The following BMPR1A variants were observed in gnomAD, a reference collection of about 807,000 sequenced individuals.
BMPR1A encodes the protein bone morphogenetic protein receptor type-1A.
In BMPR1A, 7 loss-of-function variants were observed where a neutral mutation model predicts 66.0. That is an observed-to-expected ratio of 0.11 (90% CI 0.06 to 0.20). The LOEUF (loss-of-function observed/expected upper bound fraction) is 0.20. Among genes scored for constraint, BMPR1A ranks in the 10% least tolerant of loss-of-function variants. The pLI, the probability that BMPR1A is intolerant of heterozygous loss-of-function variation, is 1.00. For synonymous variants in BMPR1A, 200 were observed against 229.7 expected, an observed-to-expected ratio of 0.87 and a Z score of 1.17; for missense variants, 408 against 669.1, an observed-to-expected ratio of 0.61 and a Z score of 4.31.
chr10:86,923,581 C>A lies in BMPR1A; in HGVS notation c.1474-13C>A. On this transcript the variant is annotated splice_polypyrimidine_tract_variant and intron_variant, in intron 12 of 12. Transcript: ENST00000372037. Reference sequence around the variant, plus strand: ...TATATTCTCTGCTCACTGAACATCTCTTTACTTTTCAGTGTCTACGAGCAG... The same window carrying A: ...TATATTCTCTGCTCACTGAACATCTATTTACTTTTCAGTGTCTACGAGCAG... 1 of 1,614,214 alleles carries A rather than the reference C, an allele frequency of 6.2e-7. No individual in the cohort carries two copies. Among genetic ancestry groups the A allele is most frequent in the Non-Finnish European group, 8.5e-7 (1 of 1,180,044 alleles).
intron 2 of BMPR1A, among the ~76,000 whole-genome samples, chr10:86,851,272 TG>T (rs1215529003): frequency 6.6e-6 from 1 of 152,254 alleles, no homozygotes; most frequent in Non-Finnish European, 1.5e-5. Context: ...TATGGTTTTA[TG>T]GTTGGTTTAA....
intron 1 of BMPR1A, among the ~76,000 whole-genome samples, chr10:86,763,790 GTT>G (rs5786745): frequency 5.1e-5 from 6 of 117,418 alleles, no homozygotes; most frequent in East Asian, 2.5e-4. Context: ...TTGGATAGTT[GTT>G]TTTTTTTTTT....
At chr10:86,795,832 C>A (rs1437640051) in intron 1 of BMPR1A, among the ~76,000 whole-genome samples, 1 of 151,872 alleles carries the variant, frequency 6.6e-6, no homozygotes, top group Non-Finnish European at 1.5e-5. Context: ...AAAATATTTT[C>A]TTTGAGAGCT....
intron 9 of BMPR1A, among the ~76,000 whole-genome samples, chr10:86,918,193 C>G (rs958158903): frequency 6.6e-6 from 1 of 152,174 alleles, no homozygotes; most frequent in Non-Finnish European, 1.5e-5. Flanking sequence ...AATTCGGGCC[C>G]ACGCTAATCC....
At chr10:86,795,430 C>T (rs6586037) in intron 1 of BMPR1A, among the ~76,000 whole-genome samples, 76,859 of 150,784 alleles carry the variant, frequency 0.51, 20,374 homozygotes, top group East Asian at 0.76. Flanking sequence ...TTTTTTTTTC[C>T]TAACGCTGTA....
At chr10:86,792,936 TTTA>T in intron 1 of BMPR1A, among the ~76,000 whole-genome samples, 1 of 152,268 alleles carries the variant, frequency 6.6e-6, no homozygotes, top group East Asian at 1.9e-4. Context: ...CAAGGAGTAA[TTTA>T]TTATTATGTC....
chr10:86,790,148 C>T (rs377192700), intron 1 of BMPR1A, among the ~76,000 whole-genome samples: 15 of 94,040 alleles, frequency 1.6e-4, no homozygotes, highest in African/African-American at 5.5e-4. Flanking sequence ...GACGACAGAG[C>T]GAGACTCTGT....
chr10:86,884,196 C>T (rs565780972), intron 3 of BMPR1A, among the ~76,000 whole-genome samples: 29 of 151,510 alleles, frequency 1.9e-4, no homozygotes, highest in East Asian at 5.9e-4. Flanking sequence ...GCGATCCTTC[C>T]GCCTCAGCCA....
chr10:86,834,369 A>T (rs983161775), intron 1 of BMPR1A, among the ~76,000 whole-genome samples: 1 of 152,212 alleles, frequency 6.6e-6, no homozygotes, highest in Non-Finnish European at 1.5e-5. Flanking sequence ...ATACTTCACA[A>T]CAGCAAATAC....
chr10:86,902,150 G>A (rs764050948), intron 7 of BMPR1A, among the ~76,000 whole-genome samples: 6 of 152,120 alleles, frequency 3.9e-5, no homozygotes, highest in Non-Finnish European at 8.8e-5. Context: ...GTGAGCCACC[G>A]CACCTGGCCT....
At chr10:86,889,843 A>G (rs1011027560) in intron 3 of BMPR1A, 2 of 563,352 alleles carry the variant, frequency 3.6e-6, no homozygotes, top group Admixed American at 3.2e-5. Flanking sequence ...AAATTGTGAT[A>G]TAGCTGTCTT....
chr10:86,872,446 G>T (rs981607927), intron 2 of BMPR1A, among the ~76,000 whole-genome samples: 2 of 152,098 alleles, frequency 1.3e-5, no homozygotes, highest in Admixed American at 1.3e-4. Flanking sequence ...TTAACCTGTT[G>T]TGTGATCTTT....
intron 1 of BMPR1A, among the ~76,000 whole-genome samples, chr10:86,791,467 C>T (rs903013006): frequency 6.6e-6 from 1 of 152,098 alleles, no homozygotes; most frequent in Non-Finnish European, 1.5e-5. Context: ...CCGCCTCGGC[C>T]TCCCAAAGTG....
chr10:86,931,926 C>G (rs1033908631), downstream of BMPR1A: 1 of 152,144 alleles, frequency 6.6e-6, no homozygotes, highest in African/African-American at 2.4e-5. Context: ...TACTATGCTT[C>G]TCATATGTTT....
At chr10:86,905,334 G>T (rs1273700068) in intron 7 of BMPR1A, among the ~76,000 whole-genome samples, 2 of 152,154 alleles carry the variant, frequency 1.3e-5, no homozygotes, top group Non-Finnish European at 2.9e-5. Context: ...TAATCCTTCA[G>T]ACTGCTTAGA....
Position 86,833,015 on chromosome 10 carries a change from C to T in BMPR1A, c.-267-5850C>T, listed in dbSNP as rs184288230. Among the ~76,000 whole-genome samples, 56 of 152,148 alleles carry T rather than the reference C, an allele frequency of 3.7e-4. 1 individual carries two copies. In the East Asian group the frequency reaches 6.2e-3, roughly 17 times the overall value. On this transcript the variant is annotated intron_variant, in intron 1 of 12. Transcript: ENST00000372037. ...ATCCCAGTGACTCGGGAGACTGAGG[C>T]GGGAGGATTGCTTGAGCTCAAGAGG...
chr10:86,874,677 G>A (rs1246908133), intron 2 of BMPR1A, among the ~76,000 whole-genome samples: 1 of 146,144 alleles, frequency 6.8e-6, no homozygotes, highest in African/African-American at 2.5e-5. Context: ...AAAGTGCTGG[G>A]ATTACAGGCG....
chr10:86,824,081 T>TGTGTGTGTGTGTGTGTG (rs1842157809), intron 1 of BMPR1A, among the ~76,000 whole-genome samples: 11 of 94,036 alleles, frequency 1.2e-4, no homozygotes, highest in African/African-American at 2.9e-4. Context: ...TTACCAAGGG[T>TGTGTGTGTGTGTGTGTG]TGTGTGTGTG....
chr10:86,815,358 G>A (rs1375918689), intron 1 of BMPR1A, among the ~76,000 whole-genome samples: 2 of 152,034 alleles, frequency 1.3e-5, no homozygotes, highest in Non-Finnish European at 2.9e-5. Flanking sequence ...TTAATTTTCA[G>A]CAGTTTTTTT....
Sources: allele counts gnomAD v4.1 joint callset (sites outside exome capture counted in the v4.1 genomes callset), GRCh38; gene constraint gnomAD v4.1.1; transcripts MANE v1.5; gene names NCBI Gene and HGNC (gene_info 2026-07-23, HGNC 2026-07-21).